Variants in SLC41A3 observed in about 807,000 individuals in gnomAD.
SLC41A3 encodes solute carrier family 41 member 3.
SLC41A3 carries 44 observed loss-of-function variants against 45.4 expected under a neutral mutation model. The observed-to-expected ratio is 0.97, with a 90% CI of 0.76 to 1.25. The LOEUF (loss-of-function observed/expected upper bound fraction) is 1.25, where lower values mean the gene tolerates loss of function less well. Among genes scored for constraint, SLC41A3 ranks in the 50% most tolerant of loss-of-function variants. The probability of loss-of-function intolerance (pLI) is 0.00; values close to 1 mark genes in which losing one functional copy is unlikely to be tolerated. For missense variants in SLC41A3, 550 were observed against 600.6 expected, an observed-to-expected ratio of 0.92 and a Z score of 0.88; for synonymous variants, 256 against 252.4, an observed-to-expected ratio of 1.01 and a Z score of -0.13.
chr3:126,083,937 C>T (rs1176696503), intron 1 of SLC41A3, 156 bp downstream of exon 1: 1 of 149,498 alleles, frequency 6.7e-6, no homozygotes, highest in African/African-American at 2.5e-5. Flanking sequence ...ACCTGACTCC[C>T]CCTCCCGCCG....
At chr3:126,099,382 T>C (rs1945665321) in intron 1 of SLC41A3, among the ~76,000 whole-genome samples, 1 of 152,198 alleles carries the variant, frequency 6.6e-6, no homozygotes, top group African/African-American at 2.4e-5. Context: ...AATGTGTTGG[T>C]AATATGATCT....
intron 3 of SLC41A3, among the ~76,000 whole-genome samples, chr3:126,050,603 T>C (rs934544217): frequency 5.9e-5 from 9 of 152,148 alleles, no homozygotes; most frequent in Non-Finnish European, 1.2e-4. Context: ...TCGTGGCTTC[T>C]GTGTGAACGT....
rs3817079 is a variant in SLC41A3 at position 126,022,749 on chromosome 3, C to A, written c.745+37G>T. ...GACCTGCTCCAGGGCCCCCCCTCCA[C>A]GGAGCCTTTGTGTCTATAGAAGAAG... On this transcript the variant is annotated intron_variant, in intron 6 of 10. Coordinates refer to ENST00000360370, the MANE Select transcript of SLC41A3 (RefSeq NM_017836.4). The A allele has an allele frequency of 4.3e-6, 7 of 1,610,990 alleles. No individual in the cohort carries two copies. In the African/African-American group the frequency reaches 9.4e-5, roughly 22 times the overall value.
intron 3 of SLC41A3, among the ~76,000 whole-genome samples, chr3:126,050,232 C>G (rs894419923): frequency 2.6e-5 from 4 of 152,198 alleles, no homozygotes; most frequent in African/African-American, 9.7e-5. Context: ...CTGCCCCCAC[C>G]CCACCTGCCC....
upstream of SLC41A3, among the ~76,000 whole-genome samples, chr3:126,084,797 G>C (rs958508178): frequency 4.6e-5 from 7 of 152,244 alleles, 1 homozygote; most frequent in African/African-American, 1.7e-4. Flanking sequence ...GCACCTCCCC[G>C]TTCCCAACCA....
intron 3 of SLC41A3, among the ~76,000 whole-genome samples, chr3:126,034,627 A>C (rs1440964202): frequency 2.6e-5 from 4 of 152,234 alleles, no homozygotes; most frequent in Non-Finnish European, 5.9e-5. Context: ...GGAAGGAGGC[A>C]GGGTAGAGAC....
intron 1 of SLC41A3, chr3:126,070,236 T>C (rs1477172217): frequency 6.6e-6 from 1 of 152,172 alleles, no homozygotes; most frequent in Non-Finnish European, 1.5e-5. Flanking sequence ...CCAACCCCCG[T>C]TGGGAACTGG....
At chr3:126,055,308 T>A (rs1417872320) in intron 2 of SLC41A3, among the ~76,000 whole-genome samples, 1 of 151,460 alleles carries the variant, frequency 6.6e-6, no homozygotes, top group Non-Finnish European at 1.5e-5. Flanking sequence ...AGGTCAGGAG[T>A]TCGAGACCAG....
At chr3:126,077,805 T>C (rs2108073622) in intron 1 of SLC41A3, among the ~76,000 whole-genome samples, 4 of 152,332 alleles carry the variant, frequency 2.6e-5, no homozygotes. Context: ...TCTTGCCTCC[T>C]CCGTGCTTCC....
chr3:126,020,445 G>A (rs1940740855), intron 6 of SLC41A3, among the ~76,000 whole-genome samples: 1 of 152,112 alleles, frequency 6.6e-6, no homozygotes, highest in Non-Finnish European at 1.5e-5. Context: ...TTCCTCTCCT[G>A]GAAACTCTTT....
intron 4 of SLC41A3, among the ~76,000 whole-genome samples, chr3:126,029,676 C>T (rs565824681): frequency 2.4e-4 from 37 of 152,294 alleles, no homozygotes; most frequent in South Asian, 1.4e-3. Flanking sequence ...AGATCTTTCA[C>T]GGCACTTGAC....
intron 1 of SLC41A3, chr3:126,070,552 T>C (rs1340099406): frequency 6.6e-6 from 1 of 152,208 alleles, no homozygotes; most frequent in Non-Finnish European, 1.5e-5. Flanking sequence ...TAACAGCTCA[T>C]TTTTCATCAG....
intron 2 of SLC41A3, chr3:126,056,808 C>T (rs1943699022): frequency 1.5e-6 from 2 of 1,305,346 alleles, no homozygotes; most frequent in Non-Finnish European, 2.0e-6. Flanking sequence ...CCTGCTGTCC[C>T]TCCCTGAAGG....
intron 2 of SLC41A3, among the ~76,000 whole-genome samples, chr3:126,065,269 C>T (rs1263023390): frequency 6.6e-6 from 1 of 152,216 alleles, no homozygotes; most frequent in African/African-American, 2.4e-5. Flanking sequence ...CTCTGCCTTA[C>T]AGAACTATGA....
intron 6 of SLC41A3, among the ~76,000 whole-genome samples, chr3:126,019,664 G>A (rs1475446841): frequency 1.3e-5 from 2 of 152,200 alleles, no homozygotes; most frequent in African/African-American, 4.8e-5. Flanking sequence ...CAAAACCTGA[G>A]AGAGCAGACA....
intron 2 of SLC41A3, among the ~76,000 whole-genome samples, chr3:126,055,055 G>A (rs1943570079): frequency 6.6e-6 from 1 of 152,108 alleles, no homozygotes; most frequent in South Asian, 2.1e-4. Context: ...TAGGAGGCTG[G>A]GTGGCCTGGT....
exon 1 of SLC41A3, chr3:126,101,499 A>G (rs1412298398): frequency 1.3e-5 from 2 of 152,280 alleles, no homozygotes; most frequent in African/African-American, 4.8e-5. Flanking sequence ...GCCCATCTGC[A>G]CCAGAGGTCT....
intron 3 of SLC41A3, among the ~76,000 whole-genome samples, chr3:126,045,398 C>G (rs1369423852): frequency 2.0e-5 from 3 of 148,014 alleles, no homozygotes; most frequent in Non-Finnish European, 3.0e-5. Flanking sequence ...GCTAAATTGA[C>G]TAAGAAAAAA....
rs541912828 is a variant in SLC41A3, at chr3:126,033,620, A to G, written c.440T>C (p.Leu147Pro). ...QEQHRVISSNLALIQVQATVV... is the reference protein window; with the variant it reads ...QEQHRVISSNPALIQVQATVV... The stretch of plus-strand genomic sequence containing the variant: ...GTGAAGACTCACCTGGATGAGGGCC[A>G]GGTTGCTGCTGATGACTCTGTGCTG... The change falls in exon 4 of 11, where the codon CTG becomes CCG. Residue 147 changes from leucine to proline, a missense_variant. Physicochemically the swap from Leu to Pro is moderately conservative, Grantham distance 98. Coordinates refer to ENST00000360370, the MANE Select transcript of SLC41A3 (RefSeq NM_017836.4). 8.7e-6 allele frequency: 14 copies of G among 1,612,680 alleles called. No individual in the cohort carries two copies. In the South Asian group the frequency reaches 1.6e-4, roughly 18 times the overall value.
Sources: gnomAD v4.1 joint callset for allele counts (sites outside exome capture counted in the v4.1 genomes callset) on GRCh38, gnomAD v4.1.1 for gene constraint, MANE v1.5 for transcripts, NCBI Gene and HGNC (gene_info 2026-07-23, HGNC 2026-07-21) for gene names.